ZMAT4: variants seen among roughly 807,000 people sequenced by gnomAD.
The protein encoded by ZMAT4 is zinc finger matrin-type 4.
ZMAT4 carries 17 observed loss-of-function variants against 28.7 expected under a neutral mutation model. The ratio of observed to expected loss-of-function variants is 0.59; its 90% CI spans 0.41 to 0.89. The LOEUF is 0.89. ZMAT4 is among the 40% of genes least tolerant of loss of function. ZMAT4 has a pLI of 0.00. For missense variants in ZMAT4, 240 were observed against 283.8 expected (o/e 0.85, Z 1.11); for synonymous variants, 117 against 109.2 (o/e 1.07, Z -0.44).
chr8:40,535,011 T>A (rs1005329412), intron 6 of ZMAT4, among the ~76,000 whole-genome samples: 1 of 152,144 alleles, frequency 6.6e-6, no homozygotes, highest in Admixed American at 6.5e-5. Flanking sequence ...AAAACTAATG[T>A]AACTGAGTGT....
intron 3 of ZMAT4, among the ~76,000 whole-genome samples, chr8:40,751,917 C>A (rs1812469225): frequency 6.6e-6 from 1 of 152,050 alleles, no homozygotes; most frequent in Non-Finnish European, 1.5e-5. Flanking sequence ...GCTGAGGATG[C>A]AAAGATGTAT....
intron 5 of ZMAT4, among the ~76,000 whole-genome samples, chr8:40,609,140 T>C (rs1040370763): frequency 1.3e-5 from 2 of 152,232 alleles, no homozygotes; most frequent in African/African-American, 4.8e-5. Context: ...TTGCAGACCA[T>C]ACTTTAGCAA....
intron 6 of ZMAT4, among the ~76,000 whole-genome samples, chr8:40,543,626 C>T (rs1376124216): frequency 2.0e-5 from 3 of 152,300 alleles, no homozygotes; most frequent in African/African-American, 7.2e-5. Flanking sequence ...CTATGAGCCT[C>T]AGTTCCCTAA....
intron 3 of ZMAT4, among the ~76,000 whole-genome samples, chr8:40,713,101 T>C (rs988593088): frequency 6.6e-6 from 1 of 152,096 alleles, no homozygotes; most frequent in Non-Finnish European, 1.5e-5. Flanking sequence ...AGTGGGTTTC[T>C]GCTACAGAAA....
chr8:40,880,926 A>G (rs1455415493), intron 1 of ZMAT4, among the ~76,000 whole-genome samples: 2 of 152,126 alleles, frequency 1.3e-5, no homozygotes, highest in Non-Finnish European at 2.9e-5. Flanking sequence ...ACTCCTCCTC[A>G]GCTCAGCCCA....
intron 1 of ZMAT4, among the ~76,000 whole-genome samples, chr8:40,878,296 C>T (rs989343864): frequency 6.6e-6 from 1 of 152,102 alleles, no homozygotes; most frequent in African/African-American, 2.4e-5. Flanking sequence ...GGTGGCTCCC[C>T]CTCCTTGCCC....
intron 1 of ZMAT4, among the ~76,000 whole-genome samples, chr8:40,881,532 A>AACG (rs1554498002): frequency 3.7e-5 from 1 of 26,796 alleles, no homozygotes; most frequent in Non-Finnish European, 7.0e-5. Flanking sequence ...GAGAGACAGA[A>AACG]AGAAAGAAAG....
At chr8:40,550,054 G>A (rs553812739) in intron 6 of ZMAT4, among the ~76,000 whole-genome samples, 1 of 152,202 alleles carries the variant, frequency 6.6e-6, no homozygotes, top group African/African-American at 2.4e-5. Context: ...GGTGACTGTG[G>A]TAGCCCTGAG....
chr8:40,697,132 T>C (rs951984876), intron 4 of ZMAT4, 113 bp downstream of exon 4: 18 of 1,273,928 alleles, frequency 1.4e-5, no homozygotes, highest in Non-Finnish European at 1.7e-5. Context: ...TTGAATGACG[T>C]CTACCATTAG....
intron 4 of ZMAT4, among the ~76,000 whole-genome samples, chr8:40,695,676 C>T (rs995995911): frequency 3.3e-5 from 5 of 150,668 alleles, no homozygotes; most frequent in African/African-American, 1.2e-4. Flanking sequence ...TTTCCCAGAT[C>T]TGAGGGTGTT....
intron 3 of ZMAT4, among the ~76,000 whole-genome samples, chr8:40,751,082 G>A (rs1438295322): frequency 1.3e-5 from 2 of 152,150 alleles, no homozygotes. Flanking sequence ...CAGCCATAAT[G>A]TCTTCCAGAT....
At chr8:40,866,036 C>A (rs1024026697) in intron 1 of ZMAT4, among the ~76,000 whole-genome samples, 1 of 152,200 alleles carries the variant, frequency 6.6e-6, no homozygotes, top group Admixed American at 6.5e-5. Flanking sequence ...TGGCTGAAAG[C>A]AGGGATCAAC....
At chr8:40,801,347 A>ATATATATATAT (rs1174640469) in intron 2 of ZMAT4, among the ~76,000 whole-genome samples, 12 of 48,578 alleles carry the variant, frequency 2.5e-4, no homozygotes, top group African/African-American at 1.0e-3. Context: ...TCTTTAAAAA[A>ATATATATATAT]AAAAATATAT....
chr8:40,545,266 A>G (rs1054841280), intron 6 of ZMAT4, among the ~76,000 whole-genome samples: 2 of 152,158 alleles, frequency 1.3e-5, no homozygotes, highest in Non-Finnish European at 2.9e-5. Flanking sequence ...TCAGAACTAG[A>G]GACCAGAACC....
At chr8:40,834,956 T>C (rs1399625384) in intron 1 of ZMAT4, among the ~76,000 whole-genome samples, 1 of 152,200 alleles carries the variant, frequency 6.6e-6, no homozygotes, top group Non-Finnish European at 1.5e-5. Flanking sequence ...CAGGCGGTAA[T>C]GCACAGCAAG....
chr8:40,872,710 T>C (rs956314139), intron 1 of ZMAT4, among the ~76,000 whole-genome samples: 2 of 151,942 alleles, frequency 1.3e-5, no homozygotes, highest in East Asian at 1.9e-4. Flanking sequence ...TCTGGGTGCT[T>C]AGAATTATAA....
At chr8:40,729,034 A>C (rs1811422812) in intron 3 of ZMAT4, among the ~76,000 whole-genome samples, 1 of 152,228 alleles carries the variant, frequency 6.6e-6, no homozygotes, top group Non-Finnish European at 1.5e-5. Flanking sequence ...CCCATTGAGG[A>C]ACAGTATTCT....
At chr8:40,642,314 A>C (rs981595526) in intron 5 of ZMAT4, among the ~76,000 whole-genome samples, 2 of 152,188 alleles carry the variant, frequency 1.3e-5, no homozygotes, top group African/African-American at 4.8e-5. Flanking sequence ...ACATTCAATA[A>C]TATAGGGTAT....
intron 5 of ZMAT4, among the ~76,000 whole-genome samples, chr8:40,601,563 G>GAAGAAAGAAAGAAAGAAAGAAAGA (rs1339134333): frequency 8.4e-6 from 1 of 118,480 alleles, no homozygotes; most frequent in Non-Finnish European, 1.7e-5. Context: ...AAGAAAGAAA[G>GAAGAAAGAAAGAAAGAAAGAAAGA]AAGAAAGAAA....
Sources: gnomAD v4.1 joint callset for allele counts (sites outside exome capture counted in the v4.1 genomes callset) on GRCh38, gnomAD v4.1.1 for gene constraint, MANE v1.5 for transcripts, NCBI Gene and HGNC (gene_info 2026-07-23, HGNC 2026-07-21) for gene names.